Variants in FAM135A observed in about 807,000 individuals in gnomAD.
The protein encoded by FAM135A is protein FAM135A.
In FAM135A, 79 loss-of-function variants were observed where a neutral mutation model predicts 146.8. That is an observed-to-expected ratio of 0.54 (90% CI 0.45 to 0.65). The LOEUF is 0.65. Ranked by LOEUF, FAM135A falls within the 30% of genes least tolerant of loss-of-function variation. The pLI is 0.00. For synonymous variants in FAM135A, 562 were observed against 603.6 expected (o/e 0.93, Z 1.01); for missense variants, 1,623 against 1,758.2 (o/e 0.92, Z 1.38).
chr6:70,503,298 T>C (rs936091677), intron 12 of FAM135A: 4 of 152,290 alleles, frequency 2.6e-5, no homozygotes, highest in Non-Finnish European at 4.4e-5. Context: ...TATGTAATTT[T>C]ATTGTATAGC....
At chr6:70,527,694 A>G (rs890199703) in intron 15 of FAM135A, among the ~76,000 whole-genome samples, 5 of 152,160 alleles carry the variant, frequency 3.3e-5, no homozygotes, top group African/African-American at 9.7e-5. Flanking sequence ...GATGTTTGCA[A>G]TCCCCAAATT....
intron 12 of FAM135A, among the ~76,000 whole-genome samples, chr6:70,519,702 G>C (rs1459731320): frequency 1.3e-5 from 2 of 152,042 alleles, no homozygotes; most frequent in Non-Finnish European, 2.9e-5. Flanking sequence ...TATACACATT[G>C]GCTTTTTTAA....
At chr6:70,427,152 T>C (rs1167657545) in intron 3 of FAM135A, among the ~76,000 whole-genome samples, 1 of 152,204 alleles carries the variant, frequency 6.6e-6, no homozygotes, top group Non-Finnish European at 1.5e-5. Flanking sequence ...TGTTATAATT[T>C]TTTTTAAATA....
chr6:70,488,784 T>A (rs1427853519), intron 10 of FAM135A, among the ~76,000 whole-genome samples: 2 of 152,174 alleles, frequency 1.3e-5, no homozygotes, highest in Non-Finnish European at 2.9e-5. Flanking sequence ...GCAAGTTTCA[T>A]ATTCTTTCCA....
intron 19 of FAM135A, among the ~76,000 whole-genome samples, chr6:70,537,252 G>A (rs1796965740): frequency 1.3e-5 from 2 of 151,932 alleles, no homozygotes; most frequent in Admixed American, 1.3e-4. Context: ...CCTTTTGTTT[G>A]GCTTGGTTTT....
chr6:70,533,681 A>G lies in FAM135A; in HGVS notation c.3868-76A>G, dbSNP rs186312716. The G allele has an allele frequency of 6.8e-3, 5,924 of 870,588 alleles. 32 individuals are homozygous for G. The highest frequency in any genetic ancestry group is 8.1e-3 in the Non-Finnish European group (4,645 of 573,390). 53.9% of individuals were successfully genotyped at this position (870,588 alleles called of 1,614,324 possible). ...CCATACTTTCAGTACCTAAATTAAAAATGTTTATATTGTTAGTTTTTCATG... is the reference window on the plus strand; with the variant it reads ...CCATACTTTCAGTACCTAAATTAAAGATGTTTATATTGTTAGTTTTTCATG... On this transcript the variant is annotated intron_variant, in intron 17 of 21. Coordinates refer to ENST00000418814, the MANE Select transcript of FAM135A (RefSeq NM_001162529.3).
chr6:70,522,504 A>G lies in FAM135A; in HGVS notation c.1030-9A>G. 6.2e-7 allele frequency: 1 copy of G among 1,612,214 alleles called. No individual in the cohort carries two copies. The highest frequency in any genetic ancestry group is 8.5e-7 in the Non-Finnish European group (1 of 1,178,814). ...CATGTTATTAATACTCTCCTTTGGA[A>G]TTTTTTAGGTACGCAGATTTTCTGA... On this transcript the variant is annotated splice_polypyrimidine_tract_variant and intron_variant, in intron 12 of 21. Transcript: ENST00000418814.
intron 6 of FAM135A, 55 bp from the exon 7 acceptor site, chr6:70,475,608 T>C: frequency 6.3e-7 from 1 of 1,585,068 alleles, no homozygotes; most frequent in Non-Finnish European, 8.6e-7. Flanking sequence ...CAAGATGTTA[T>C]TTCTAACTTT....
At chr6:70,486,256 A>G (rs1784629924) in intron 10 of FAM135A, 1 of 1,610,942 alleles carries the variant, frequency 6.2e-7, no homozygotes. Context: ...TACGTTTACA[A>G]ATAGCTTAAG....
At chr6:70,435,109 A>ATAT (rs1476331313) in intron 4 of FAM135A, among the ~76,000 whole-genome samples, 1 of 64,748 alleles carries the variant, frequency 1.5e-5, no homozygotes, top group Admixed American at 1.5e-4. Context: ...ATATATATAT[A>ATAT]TTTTTTTTTT....
Position 70,420,619 on chromosome 6 carries a change from A to T in FAM135A, c.-134+5243A>T, listed in dbSNP as rs1768603992. Among the ~76,000 whole-genome samples the T allele has an allele frequency of 2.0e-5, 3 of 152,322 alleles. No individual in the cohort carries two copies. The South Asian group carries it at 6.2e-4, about 32-fold the overall frequency. Reference sequence around the variant, plus strand: ...ACTATACACTCCAGCAGTTAAAGGGATGGCTTGGTATTCCTAGACTATGCT... The same window carrying T: ...ACTATACACTCCAGCAGTTAAAGGGTTGGCTTGGTATTCCTAGACTATGCT... On this transcript the variant is annotated intron_variant, in intron 2 of 21. Coordinates refer to ENST00000418814, the MANE Select transcript of FAM135A (RefSeq NM_001162529.3).
At chr6:70,518,606 A>C (rs906297304) in intron 12 of FAM135A, among the ~76,000 whole-genome samples, 3 of 152,204 alleles carry the variant, frequency 2.0e-5, no homozygotes, top group Non-Finnish European at 4.4e-5. Context: ...TCTTGTTAGG[A>C]GCTAATGTAA....
chr6:70,456,267 A>G (rs914517571), intron 5 of FAM135A, among the ~76,000 whole-genome samples: 4 of 152,170 alleles, frequency 2.6e-5, no homozygotes, highest in South Asian at 4.1e-4. Flanking sequence ...AAACCCAACT[A>G]TCTCCTTGTT....
chr6:70,469,415 C>T (rs1450715923), intron 5 of FAM135A, among the ~76,000 whole-genome samples: 1 of 152,176 alleles, frequency 6.6e-6, no homozygotes, highest in Non-Finnish European at 1.5e-5. Context: ...GCAACTTTCA[C>T]TGAAATCATT....
At chr6:70,422,485 A>G (rs911684437) in intron 2 of FAM135A, among the ~76,000 whole-genome samples, 3 of 152,174 alleles carry the variant, frequency 2.0e-5, no homozygotes, top group Non-Finnish European at 1.5e-5. Flanking sequence ...ATCATTATGT[A>G]TATATATGTA....
At chr6:70,479,906 A>G (rs904291324) in intron 8 of FAM135A, among the ~76,000 whole-genome samples, 1 of 151,986 alleles carries the variant, frequency 6.6e-6, no homozygotes, top group African/African-American at 2.4e-5. Flanking sequence ...TTTTATGACA[A>G]CTCTGAAAAA....
intron 11 of FAM135A, among the ~76,000 whole-genome samples, chr6:70,497,519 A>T (rs111602994): frequency 5.3e-5 from 8 of 152,312 alleles, no homozygotes; most frequent in African/African-American, 1.7e-4. Context: ...CCTGGCCAGT[A>T]CTTCCAATAC....
chr6:70,471,090 C>T (rs916896128), intron 5 of FAM135A, among the ~76,000 whole-genome samples: 2 of 152,130 alleles, frequency 1.3e-5, no homozygotes, highest in African/African-American at 4.8e-5. Context: ...TTGAAATTAA[C>T]GGTCATGAAT....
intron 5 of FAM135A, among the ~76,000 whole-genome samples, chr6:70,457,886 G>A (rs895669425): frequency 6.6e-6 from 1 of 151,676 alleles, no homozygotes; most frequent in Non-Finnish European, 1.5e-5. Flanking sequence ...TTTTTTCTTA[G>A]TTATGTCTAG....
Sources: gnomAD v4.1 joint callset for allele counts (sites outside exome capture counted in the v4.1 genomes callset) on GRCh38, gnomAD v4.1.1 for gene constraint, MANE v1.5 for transcripts, NCBI Gene and HGNC (gene_info 2026-07-23, HGNC 2026-07-21) for gene names.